Variants in CALD1 observed in about 807,000 individuals in gnomAD.
CALD1 encodes the protein caldesmon.
A neutral mutation model predicts 99.9 loss-of-function variants in CALD1; 33 were observed. The observed-to-expected ratio is 0.33, with a 90% CI of 0.25 to 0.44. The LOEUF (loss-of-function observed/expected upper bound fraction) is 0.44, where lower values mean the gene tolerates loss of function less well. Ranked by LOEUF, CALD1 falls within the 20% of genes least tolerant of loss-of-function variation. The probability of loss-of-function intolerance (pLI) is 1.00; values close to 1 mark genes in which losing one functional copy is unlikely to be tolerated. For missense variants in CALD1, 861 were observed against 962.1 expected (o/e 0.89, Z 1.39); for synonymous variants, 310 against 325.0 (o/e 0.95, Z 0.50).
intron 1 of CALD1, among the ~76,000 whole-genome samples, chr7:134,787,166 G>T (rs1797338230): frequency 6.6e-6 from 1 of 152,164 alleles, no homozygotes; most frequent in East Asian, 1.9e-4. Flanking sequence ...AATCCGTTTG[G>T]CCAGAAGAGC....
chr7:134,847,603 A>G (rs4728338), intron 2 of CALD1, among the ~76,000 whole-genome samples: 12,826 of 152,258 alleles, frequency 0.084, 660 homozygotes, highest in Middle Eastern at 0.14. Flanking sequence ...GGAAACCTCC[A>G]TAGTAAAGAG....
At chr7:134,965,780 C>T (rs1808630877) in intron 14 of CALD1, among the ~76,000 whole-genome samples, 1 of 149,822 alleles carries the variant, frequency 6.7e-6, no homozygotes, top group Non-Finnish European at 1.5e-5. Context: ...CTTTCTGGAA[C>T]CATTTTAGAT....
chr7:134,742,016 T>TACACACACACACACACAC (rs112633191), upstream of CALD1, among the ~76,000 whole-genome samples: 553 of 147,982 alleles, frequency 3.7e-3, 2 homozygotes, highest in Middle Eastern at 0.021. Flanking sequence ...GAGGTATTGA[T>TACACACACACACACACAC]ACACACACAC....
upstream of CALD1, among the ~76,000 whole-genome samples, chr7:134,778,638 A>G (rs904139915): frequency 6.6e-6 from 1 of 152,200 alleles, no homozygotes; most frequent in Admixed American, 6.5e-5. Context: ...ATTAGCATCT[A>G]CTAATTCTGA....
chr7:134,724,572 T>C, the CALD1 span, among the ~76,000 whole-genome samples: 1 of 152,242 alleles, frequency 6.6e-6, no homozygotes, highest in African/African-American at 2.4e-5. Context: ...TTTCACTTTA[T>C]TTTTACAATA....
chr7:134,911,035 A>C (rs1803767335), intron 3 of CALD1, among the ~76,000 whole-genome samples: 1 of 152,130 alleles, frequency 6.6e-6, no homozygotes, highest in Non-Finnish European at 1.5e-5. Flanking sequence ...AAGGAATTGA[A>C]AGAAGTGCAA....
rs529046391 is a variant in CALD1 at position 134,871,952 on chromosome 7, T to C, written c.71+4148T>C. On this transcript the variant is annotated intron_variant, in intron 3 of 14. Coordinates refer to ENST00000361675, the MANE Select transcript of CALD1 (RefSeq NM_033138.4). ...TGTGCCATGCTGGCTTGCATGTGCTTAGGACTGGCATTTATTCACTGCATC... is the reference window on the plus strand; with the variant it reads ...TGTGCCATGCTGGCTTGCATGTGCTCAGGACTGGCATTTATTCACTGCATC... Among the ~76,000 whole-genome samples the C allele has an allele frequency of 5.3e-5, 8 of 152,370 alleles. No homozygotes were observed. The South Asian group carries it at 6.2e-4, about 12-fold the overall frequency.
intron 1 of CALD1, among the ~76,000 whole-genome samples, chr7:134,760,565 T>C (rs1239436660): frequency 6.6e-6 from 1 of 152,244 alleles, no homozygotes; most frequent in Non-Finnish European, 1.5e-5. Context: ...AAAGATTTTA[T>C]TTGGGCAAAT....
At chr7:134,956,817 A>G (rs1399674551) in intron 9 of CALD1, among the ~76,000 whole-genome samples, 7 of 152,114 alleles carry the variant, frequency 4.6e-5, no homozygotes. Context: ...CAAAGAAGGT[A>G]TTTGCTCATG....
At chr7:134,818,288 A>T (rs1798634343) in intron 1 of CALD1, among the ~76,000 whole-genome samples, 1 of 152,170 alleles carries the variant, frequency 6.6e-6, no homozygotes, top group Non-Finnish European at 1.5e-5. Flanking sequence ...TAAATCTGAT[A>T]ATATGTAGAA....
At chr7:134,749,277 A>G (rs1327487223) in intron 1 of CALD1, among the ~76,000 whole-genome samples, 1 of 152,256 alleles carries the variant, frequency 6.6e-6, no homozygotes, top group Non-Finnish European at 1.5e-5. Flanking sequence ...CCCTGGAACC[A>G]AAGATAGAAG....
intron 3 of CALD1, among the ~76,000 whole-genome samples, chr7:134,923,132 C>T (rs1297068725): frequency 6.6e-6 from 1 of 152,186 alleles, no homozygotes; most frequent in Non-Finnish European, 1.5e-5. Context: ...ATCCAATGAG[C>T]CATGTTGCTG....
chr7:134,865,592 G>A (rs914434671), intron 2 of CALD1, among the ~76,000 whole-genome samples: 3 of 152,212 alleles, frequency 2.0e-5, no homozygotes, highest in African/African-American at 7.2e-5. Context: ...GCAAGAGAAG[G>A]TGAGGAGTGG....
Position 134,941,105 on chromosome 7 carries a change from A to G in CALD1, c.1400A>G (p.Lys467Arg). ...ACTGTTGGTTAGATCAAAGATGAAA[A>G]GATTAAAAAGGACAAAGAACCCAAA... Reference protein sequence around the residue: ...TFKKEEIKDEKIKKDKEPKEE... With the variant: ...TFKKEEIKDERIKKDKEPKEE... Residue 467 changes from lysine (K) to arginine (R), a missense_variant, in exon 7 of 15, where the codon AAG becomes AGG. Around this residue, in one of 5 missense-constraint regions of CALD1, gnomAD observed 293 missense variants for 262.7 expected, o/e 1.12. Coordinates refer to ENST00000361675, the MANE Select transcript of CALD1 (RefSeq NM_033138.4). 1 of 1,607,242 alleles carries G rather than the reference A, an allele frequency of 6.2e-7. No homozygotes were observed. Among genetic ancestry groups the G allele is most frequent in the Non-Finnish European group, 8.5e-7 (1 of 1,177,866 alleles).
intron 7 of CALD1, among the ~76,000 whole-genome samples, chr7:134,943,422 A>G (rs1806613862): frequency 6.6e-6 from 1 of 152,164 alleles, no homozygotes; most frequent in Admixed American, 6.5e-5. Flanking sequence ...TCCTGTTTTG[A>G]GCATAGCTGC....
intron 1 of CALD1, among the ~76,000 whole-genome samples, chr7:134,791,024 A>C (rs1230224167): frequency 6.7e-6 from 1 of 148,790 alleles, no homozygotes; most frequent in Non-Finnish European, 1.5e-5. Context: ...TGATTTACAA[A>C]AGAAATTAGT....
intron 3 of CALD1, among the ~76,000 whole-genome samples, chr7:134,892,519 ATTG>A (rs934684502): frequency 9.9e-5 from 15 of 152,222 alleles, no homozygotes; most frequent in Admixed American, 8.5e-4. Context: ...CAGCATGACA[ATTG>A]TTGTTCCAGT....
At chr7:134,781,352 G>C (rs1797096541) in intron 1 of CALD1, among the ~76,000 whole-genome samples, 1 of 152,160 alleles carries the variant, frequency 6.6e-6, no homozygotes, top group African/African-American at 2.4e-5. Flanking sequence ...CCGAATCCCT[G>C]AAAGTTCAAA....
At chr7:134,715,455 G>A in the CALD1 span, among the ~76,000 whole-genome samples, 1 of 152,140 alleles carries the variant, frequency 6.6e-6, no homozygotes, top group Non-Finnish European at 1.5e-5. Context: ...GAAAGACCAC[G>A]CTCCATTAAA....
Sources: allele counts gnomAD v4.1 joint callset (sites outside exome capture counted in the v4.1 genomes callset), GRCh38; gene constraint gnomAD v4.1.1; regional missense constraint gnomAD v4.1.1; transcripts MANE v1.5; gene names NCBI Gene and HGNC (gene_info 2026-07-23, HGNC 2026-07-21).